Variants in PLXDC2 observed in about 807,000 individuals in gnomAD.
PLXDC2 encodes the protein plexin domain-containing protein 2.
PLXDC2 carries 40 observed loss-of-function variants against 68.9 expected under a neutral mutation model. The ratio of observed to expected loss-of-function variants is 0.58; its 90% CI spans 0.45 to 0.76. The LOEUF is 0.76. Among genes scored for constraint, PLXDC2 ranks in the 30% least tolerant of loss-of-function variants. The pLI is 0.00. For missense variants in PLXDC2, 644 were observed against 661.9 expected, an observed-to-expected ratio of 0.97 and a Z score of 0.30; for synonymous variants, 243 against 234.2, an observed-to-expected ratio of 1.04 and a Z score of -0.34.
intron 12 of PLXDC2, among the ~76,000 whole-genome samples, chr10:20,220,379 G>T (rs1292315159): frequency 6.6e-6 from 1 of 152,090 alleles, no homozygotes; most frequent in Non-Finnish European, 1.5e-5. Context: ...AATGGAATGG[G>T]GGAAGAGTCC....
chr10:20,015,841 C>T (rs1835201221), intron 2 of PLXDC2, among the ~76,000 whole-genome samples: 1 of 152,154 alleles, frequency 6.6e-6, no homozygotes, highest in Non-Finnish European at 1.5e-5. Context: ...GAGCCTTGTC[C>T]ACTTCGGTTT....
intron 1 of PLXDC2, among the ~76,000 whole-genome samples, chr10:19,935,362 C>G (rs1372539646): frequency 6.6e-6 from 1 of 152,184 alleles, no homozygotes; most frequent in African/African-American, 2.4e-5. Context: ...GGGAAATAAT[C>G]TGCACTCTGG....
intron 2 of PLXDC2, among the ~76,000 whole-genome samples, chr10:20,031,634 C>T (rs1282516573): frequency 6.6e-6 from 1 of 152,002 alleles, no homozygotes; most frequent in Admixed American, 6.6e-5. Context: ...GGGCTGCATG[C>T]CCAGGCCATT....
At chr10:20,072,535 G>GAAAGAAAGAA (rs1400697476) in intron 4 of PLXDC2, among the ~76,000 whole-genome samples, 1 of 106,754 alleles carries the variant, frequency 9.4e-6, no homozygotes, top group Admixed American at 8.1e-5. Flanking sequence ...AAGAAAGAAA[G>GAAAGAAAGAA]AAAGAAAGAA....
At chr10:20,115,815 G>T (rs1275144206) in intron 4 of PLXDC2, among the ~76,000 whole-genome samples, 1 of 152,058 alleles carries the variant, frequency 6.6e-6, no homozygotes, top group Non-Finnish European at 1.5e-5. Context: ...GTGAAGCTTT[G>T]AGCACTTAGA....
intron 1 of PLXDC2, among the ~76,000 whole-genome samples, chr10:19,859,627 A>G (rs1837282832): frequency 6.6e-6 from 1 of 152,212 alleles, no homozygotes; most frequent in Admixed American, 6.5e-5. Context: ...CCATGTGGAA[A>G]ATGCACAGTA....
At chr10:20,098,346 C>CGTGCGT (rs1554766418) in intron 4 of PLXDC2, among the ~76,000 whole-genome samples, 36 of 103,120 alleles carry the variant, frequency 3.5e-4, no homozygotes, top group African/African-American at 1.1e-3. Flanking sequence ...CATTTTCGTG[C>CGTGCGT]GTGTGTGTGT....
At chr10:19,933,281 T>C (rs1255778672) in intron 1 of PLXDC2, among the ~76,000 whole-genome samples, 2 of 152,216 alleles carry the variant, frequency 1.3e-5, no homozygotes, top group East Asian at 3.9e-4. Flanking sequence ...ACTGTGGAAA[T>C]AGAAAAGTTA....
At chr10:20,015,629 G>A (rs1290867660) in intron 2 of PLXDC2, among the ~76,000 whole-genome samples, 1 of 152,054 alleles carries the variant, frequency 6.6e-6, no homozygotes, top group Non-Finnish European at 1.5e-5. Flanking sequence ...ATGCTCTCCA[G>A]TTTGTGGCTC....
intron 1 of PLXDC2, among the ~76,000 whole-genome samples, chr10:19,975,480 AAAT>A (rs1834438132): frequency 6.6e-6 from 1 of 151,992 alleles, no homozygotes; most frequent in South Asian, 2.1e-4. Flanking sequence ...AAATAATTAA[AAAT>A]AAATAAATAA....
At chr10:20,216,944 A>T (rs920987099) in intron 10 of PLXDC2, among the ~76,000 whole-genome samples, 8 of 152,238 alleles carry the variant, frequency 5.3e-5, no homozygotes, top group Non-Finnish European at 1.0e-4. Flanking sequence ...CTTGTGACAG[A>T]TGATTTTTGA....
chr10:20,113,865 C>T (rs902577978), intron 4 of PLXDC2, among the ~76,000 whole-genome samples: 22 of 152,270 alleles, frequency 1.4e-4, no homozygotes, highest in African/African-American at 4.6e-4. Flanking sequence ...GTGTCTCATG[C>T]ATGTAACCCC....
intron 1 of PLXDC2, among the ~76,000 whole-genome samples, chr10:19,984,790 G>A (rs191597613): frequency 2.0e-5 from 3 of 152,112 alleles, no homozygotes; most frequent in East Asian, 3.9e-4. Flanking sequence ...TTTGTGAAGC[G>A]TGTAGGTTTG....
chr10:19,983,739 A>G (rs1834591928), intron 1 of PLXDC2, among the ~76,000 whole-genome samples: 1 of 152,152 alleles, frequency 6.6e-6, no homozygotes, highest in Non-Finnish European at 1.5e-5. Context: ...AGTACGGTCC[A>G]TGGACCAGGG....
chr10:20,148,523 A>C (rs1834108904), intron 6 of PLXDC2, among the ~76,000 whole-genome samples: 1 of 152,182 alleles, frequency 6.6e-6, no homozygotes, highest in South Asian at 2.1e-4. Flanking sequence ...AAATTTACTA[A>C]ATTGTAGCCT....
At chr10:19,865,965 T>G (rs1357952307) in intron 1 of PLXDC2, among the ~76,000 whole-genome samples, 1 of 152,216 alleles carries the variant, frequency 6.6e-6, no homozygotes, top group South Asian at 2.1e-4. Flanking sequence ...TCTTATATGC[T>G]TCTGCTGGCT....
At chr10:20,032,840 C>A (rs946095481) in intron 2 of PLXDC2, among the ~76,000 whole-genome samples, 1 of 151,590 alleles carries the variant, frequency 6.6e-6, no homozygotes, top group African/African-American at 2.4e-5. Flanking sequence ...ATGTGCCAAG[C>A]AGAGGACTTG....
At chr10:20,258,986 C>T (rs1030221459) in intron 13 of PLXDC2, among the ~76,000 whole-genome samples, 38 of 137,286 alleles carry the variant, frequency 2.8e-4, no homozygotes, top group East Asian at 2.5e-3. Flanking sequence ...CCAGCCTGGG[C>T]GACAGAGCGA....
chr10:20,176,397 T>TGTGTGC (rs756109209), intron 7 of PLXDC2, among the ~76,000 whole-genome samples: 4 of 151,678 alleles, frequency 2.6e-5, no homozygotes, highest in Non-Finnish European at 5.9e-5. Context: ...GTTATGTGTG[T>TGTGTGC]GTGTGTGTGT....
Sources: allele counts gnomAD v4.1 joint callset (sites outside exome capture counted in the v4.1 genomes callset), GRCh38; gene constraint gnomAD v4.1.1; transcripts MANE v1.5; gene names NCBI Gene and HGNC (gene_info 2026-07-23, HGNC 2026-07-21).